Variants in ZNF695 observed in about 807,000 individuals in gnomAD.
ZNF695 encodes zinc finger protein 695.
Under a neutral mutation model 11.2 loss-of-function variants are expected in ZNF695, and 11 were observed. That is an observed-to-expected ratio of 0.98 (90% CI 0.62 to 1.62). The LOEUF is 1.62. Ranked by LOEUF, ZNF695 falls within the 40% of genes most tolerant of loss-of-function variation. ZNF695 has a pLI of 0.00. For synonymous variants in ZNF695, 190 were observed against 201.4 expected, an observed-to-expected ratio of 0.94 and a Z score of 0.48; for missense variants, 559 against 590.5, an observed-to-expected ratio of 0.95 and a Z score of 0.55.
chr1:247,007,837 T>A, intron 1 of ZNF695, 69 bp downstream of exon 1: 1 of 1,476,692 alleles, frequency 6.8e-7, no homozygotes, highest in Non-Finnish European at 9.1e-7. Flanking sequence ...CAGCGCTGGT[T>A]CCAGCCAATT....
chr1:246,950,158 A>C (rs1667837554), intron 5 of ZNF695, among the ~76,000 whole-genome samples: 1 of 152,168 alleles, frequency 6.6e-6, no homozygotes, highest in Admixed American at 6.5e-5. Context: ...ATGTTTCCCC[A>C]CTTTTATCTG....
At chr1:246,977,817 G>A (rs927261500) in intron 4 of ZNF695, among the ~76,000 whole-genome samples, 3 of 152,194 alleles carry the variant, frequency 2.0e-5, no homozygotes, top group Admixed American at 1.3e-4. Context: ...TGACCTTATA[G>A]TGTGCCAGTT....
chr1:246,965,312 G>A (rs1212638668), intron 5 of ZNF695, among the ~76,000 whole-genome samples: 3 of 149,520 alleles, frequency 2.0e-5, no homozygotes, highest in African/African-American at 7.4e-5. Flanking sequence ...AGCCGAGATA[G>A]CGCCACTGCA....
At chr1:246,949,556 A>C (rs1667820820) in intron 5 of ZNF695, among the ~76,000 whole-genome samples, 2 of 149,656 alleles carry the variant, frequency 1.3e-5, no homozygotes, top group Non-Finnish European at 2.9e-5. Context: ...ATGCTACTGC[A>C]CTCCAGCCTA....
At chr1:246,960,882 C>T (rs1481651386) in intron 5 of ZNF695, among the ~76,000 whole-genome samples, 3 of 152,200 alleles carry the variant, frequency 2.0e-5, no homozygotes, top group Non-Finnish European at 4.4e-5. Context: ...CACGCCACTG[C>T]ACTCCAGCCT....
downstream of ZNF695, among the ~76,000 whole-genome samples, chr1:246,981,325 C>T (rs531318188): frequency 5.9e-5 from 9 of 152,050 alleles, no homozygotes; most frequent in South Asian, 4.1e-4. Flanking sequence ...TGATGATTTC[C>T]GCAAAAAAAT....
intron 1 of ZNF695, among the ~76,000 whole-genome samples, chr1:247,001,393 C>T (rs1280704207): frequency 6.6e-6 from 1 of 150,572 alleles, no homozygotes; most frequent in Admixed American, 6.6e-5. Context: ...AAGACCCTGT[C>T]TCTGTTTTAA....
chr1:246,965,241 C>T lies in ZNF695; in HGVS notation c.488+2454G>A, dbSNP rs372699038. Reference sequence around the variant, plus strand: ...GCATGGTGGCGGGCGCCTGTAGTCCCAGCTACTCGGGAGTCTGAGGCAGGA... The same window carrying T: ...GCATGGTGGCGGGCGCCTGTAGTCCTAGCTACTCGGGAGTCTGAGGCAGGA... On this transcript the variant is annotated intron_variant, in intron 5 of 5. Coordinates refer to the ZNF695 transcript ENST00000487338. Among the ~76,000 whole-genome samples the T allele has an allele frequency of 2.4e-4, 37 of 151,928 alleles. No homozygotes were observed. In the East Asian group the frequency reaches 5.7e-3, roughly 23 times the overall value.
rs1434986245 is a variant in ZNF695, at chr1:246,986,629, T to C, written c.*338A>G. 1 of 1,023,834 alleles carries C rather than the reference T, an allele frequency of 9.8e-7. No individual in the cohort carries two copies. Among genetic ancestry groups the C allele is most frequent in the East Asian group, 8.9e-5 (1 of 11,278 alleles). The allele number at this position is 1,023,834 out of a possible 1,614,324, so 63.4% of individuals were successfully genotyped here. A position where few individuals can be genotyped will look rare whatever the true frequency, so the allele number is the denominator to read the frequency against. ...CTGGTGTTTTCTGAGGTATATTTTT[T>C]GAACAAATGTTGTTTCTGCATTTAT... On this transcript the variant is annotated 3_prime_UTR_variant, in exon 4 of 4. Transcript: ENST00000339986.
At chr1:246,970,725 G>C (rs144483467) in intron 4 of ZNF695, among the ~76,000 whole-genome samples, 1 of 152,350 alleles carries the variant, frequency 6.6e-6, no homozygotes, top group African/African-American at 2.4e-5. Context: ...GAGGAGTAAA[G>C]ACCCTTAGTA....
intron 5 of ZNF695, among the ~76,000 whole-genome samples, chr1:246,965,130 G>A (rs928865319): frequency 7.2e-5 from 11 of 151,980 alleles, no homozygotes; most frequent in Admixed American, 3.3e-4. Flanking sequence ...CACTTTGGGA[G>A]GCCCAGGTGG....
At chr1:246,949,483 T>TG (rs1667819220) in intron 5 of ZNF695, among the ~76,000 whole-genome samples, 1 of 151,134 alleles carries the variant, frequency 6.6e-6, no homozygotes, top group African/African-American at 2.4e-5. Context: ...CCCAGCTACT[T>TG]GGGGGGCTGA....
chr1:246,975,933 G>T (rs545096715), intron 4 of ZNF695, among the ~76,000 whole-genome samples: 1 of 152,204 alleles, frequency 6.6e-6, no homozygotes, highest in Admixed American at 6.5e-5. Context: ...TAGGCGAAGA[G>T]AATAACTTAT....
Position 246,999,922 on chromosome 1 carries a change from G to A in ZNF695, c.156C>T (p.Phe52=). 3 of 1,613,944 alleles carry A rather than the reference G, an allele frequency of 1.9e-6. No individual in the cohort carries two copies. The highest frequency in any genetic ancestry group is 2.5e-6 in the Non-Finnish European group (3 of 1,179,934). ...AGATGAAATCCTTACTGTGAAATAG[G>A]AATTGCATATTGAAGCTATCCTCAC... is the stretch of plus-strand genomic sequence containing the variant. ...SLGEDSFNMQ[F]LFHSLAMSKP... Residue 52 remains phenylalanine (F), a synonymous_variant, in exon 2 of 4, where the codon TTC becomes TTT. Coordinates refer to ENST00000339986, the MANE Select transcript of ZNF695 (RefSeq NM_020394.5).
intron 4 of ZNF695, among the ~76,000 whole-genome samples, chr1:246,972,996 A>G (rs1211570032): frequency 6.7e-6 from 1 of 149,928 alleles, no homozygotes; most frequent in Non-Finnish European, 1.5e-5. Context: ...CACACATTAA[A>G]TCAAACAGAA....
In ZNF695 at chr1:247,000,132, G is replaced by A. The variant is rs113420063; in HGVS notation, c.4-58C>T. 35 of 1,451,156 alleles carry A rather than the reference G, an allele frequency of 2.4e-5. 1 individual carries two copies. In the African/African-American group the frequency reaches 4.6e-4, roughly 19 times the overall value. 89.9% of individuals were successfully genotyped at this position (1,451,156 alleles called of 1,614,324 possible). ...CGGCAGAGTTCTTAATTTGACTACAGGCAAGGAGAGACAGTGAAGAGAACT... is the reference window on the plus strand; with the variant it reads ...CGGCAGAGTTCTTAATTTGACTACAAGCAAGGAGAGACAGTGAAGAGAACT... On this transcript the variant is annotated intron_variant, in intron 1 of 3. Transcript: ENST00000339986.
chr1:246,964,988 A>G (rs1030026956), intron 5 of ZNF695, among the ~76,000 whole-genome samples: 2 of 152,256 alleles, frequency 1.3e-5, no homozygotes, highest in African/African-American at 4.8e-5. Context: ...CTCTGCCCTC[A>G]TGAATGGATT....
At chr1:246,947,909 A>G (rs1667778586) in intron 5 of ZNF695, among the ~76,000 whole-genome samples, 1 of 152,190 alleles carries the variant, frequency 6.6e-6, no homozygotes, top group Admixed American at 6.6e-5. Context: ...GGACAAGGAA[A>G]GCCCTGTGGC....
At chr1:246,997,565 G>A (rs934003720) in intron 3 of ZNF695, among the ~76,000 whole-genome samples, 31 of 151,996 alleles carry the variant, frequency 2.0e-4, no homozygotes, top group Admixed American at 6.6e-5. Context: ...GTGTGTGTGT[G>A]TGTAAAATCA....
Sources: allele counts gnomAD v4.1 joint callset (sites outside exome capture counted in the v4.1 genomes callset), GRCh38; gene constraint gnomAD v4.1.1; transcripts MANE v1.5; gene names NCBI Gene and HGNC (gene_info 2026-07-23, HGNC 2026-07-21).